The following KTN1 variants were observed in gnomAD, a reference collection of about 807,000 sequenced individuals.
The protein encoded by KTN1 is kinectin.
KTN1 carries 130 observed loss-of-function variants against 222.5 expected under a neutral mutation model. The ratio of observed to expected loss-of-function variants is 0.58; its 90% CI spans 0.51 to 0.68. KTN1 has a LOEUF of 0.68. Ranked by LOEUF, KTN1 falls within the 30% of genes least tolerant of loss-of-function variation. The probability of loss-of-function intolerance (pLI) is 0.00; values close to 1 mark genes in which losing one functional copy is unlikely to be tolerated. For synonymous variants in KTN1, 512 were observed against 496.3 expected (o/e 1.03, Z -0.42); for missense variants, 1,508 against 1,500.4 (o/e 1.01, Z -0.08).
intron 5 of KTN1, among the ~76,000 whole-genome samples, chr14:55,624,293 C>T (rs1358113941): frequency 2.0e-5 from 3 of 152,114 alleles, no homozygotes; most frequent in Non-Finnish European, 2.9e-5. Flanking sequence ...TGAATAAAGA[C>T]GACTTTAGAG....
chr14:55,639,191 G>A lies in KTN1; in HGVS notation c.1792G>A (p.Ala598Thr), dbSNP rs781690331. The change falls in exon 13 of 44, where the codon GCT (alanine) becomes ACT (threonine). Residue 598 changes from alanine to threonine, a missense_variant. By Grantham distance (58) the Ala-to-Thr change is moderately conservative. Coordinates refer to ENST00000395314, the MANE Select transcript of KTN1 (RefSeq NM_001079521.2). ...FHSQIAAQTS[A>T]SVLAEELHKV... ...CACTATTTTTCTTTCTTAGACCTCC[G>A]CTTCAGTTCTAGCAGAAGAATTACA... 101 of 1,602,772 alleles carry A rather than the reference G, an allele frequency of 6.3e-5. No homozygotes were observed. Among genetic ancestry groups the A allele is most frequent in the East Asian group, 3.4e-4 (15 of 44,716 alleles).
At chr14:55,672,554 G>A in intron 37 of KTN1, 76 bp from the exon 38 acceptor site, 2 of 857,502 alleles carry the variant, frequency 2.3e-6, no homozygotes, top group Non-Finnish European at 3.8e-6. Context: ...TCTTTTAATT[G>A]ATCAGAATTC....
chr14:55,590,563 G>C (rs542263804), intron 1 of KTN1, among the ~76,000 whole-genome samples: 37 of 152,090 alleles, frequency 2.4e-4, no homozygotes, highest in African/African-American at 8.2e-4. Context: ...AGTTTTGCCA[G>C]ATCTAGTTGT....
intron 43 of KTN1, chr14:55,681,372 C>T (rs2046352610): frequency 6.6e-6 from 1 of 152,182 alleles, no homozygotes; most frequent in African/African-American, 2.4e-5. Flanking sequence ...TGCCTTTCGA[C>T]CTAAGCGATA....
At chr14:55,613,761 G>A (rs563191630) in intron 2 of KTN1, among the ~76,000 whole-genome samples, 5 of 152,166 alleles carry the variant, frequency 3.3e-5, no homozygotes, top group East Asian at 1.9e-4. Context: ...GAGCCACCAC[G>A]CTTGACCCGG....
Position 55,603,061 on chromosome 14 carries a change from T to C in KTN1, c.-30-8958T>C, listed in dbSNP as rs565798995. 3.3e-5 allele frequency among the ~76,000 whole-genome samples: 5 copies of C among 152,300 alleles called. 1 individual carries two copies. In the South Asian group the frequency reaches 1.0e-3, roughly 32 times the overall value. On this transcript the variant is annotated intron_variant, in intron 1 of 43. Transcript: ENST00000395314. The stretch of plus-strand genomic sequence containing the variant: ...CAGATGAACTGGCTGTGCTACCATC[T>C]AAGGCCAGTCACTCTATCTACTTGT...
At chr14:55,669,535 T>C (rs2045249464) in intron 34 of KTN1, among the ~76,000 whole-genome samples, 1 of 151,936 alleles carries the variant, frequency 6.6e-6, no homozygotes, top group South Asian at 2.1e-4. Context: ...TATAAAAATA[T>C]ATAAATTTTT....
At chr14:55,617,203 A>G (rs2090512832) in intron 3 of KTN1, among the ~76,000 whole-genome samples, 1 of 152,240 alleles carries the variant, frequency 6.6e-6, no homozygotes, top group Non-Finnish European at 1.5e-5. Flanking sequence ...TGAGAGAAAT[A>G]TTACCTGAAT....
rs981469591 is a variant in KTN1, at chr14:55,609,956, G to A, written c.-30-2063G>A. Among the ~76,000 whole-genome samples the A allele has an allele frequency of 3.3e-5, 5 of 152,256 alleles. No homozygotes were observed. The South Asian group carries it at 8.3e-4, about 25-fold the overall frequency. On this transcript the variant is annotated intron_variant, in intron 1 of 43. Transcript: ENST00000395314. ...ACTTAATGGAGGCACAGTGAAATGT[G>A]TCTAATTTTAAAACCTGGATAGTTC...
rs563784343 is a variant in KTN1 at position 55,672,767 on chromosome 14, G to T, written c.3603+66G>T. On this transcript the variant is annotated intron_variant, in intron 38 of 43. Transcript: ENST00000395314. ...TTTTTAGCATTAACGGTTGTCTGAA[G>T]ATCTATAGTTTAAGATTACTTTATA... The T allele has an allele frequency of 8.3e-5, 98 of 1,178,402 alleles. 1 individual carries two copies. In the African/African-American group the frequency reaches 1.4e-3, roughly 17 times the overall value. The allele number at this position is 1,178,402 out of a possible 1,614,324, so 73.0% of individuals were successfully genotyped here.
At chr14:55,658,708 A>G in intron 30 of KTN1, 94 bp downstream of exon 30, 2 of 726,978 alleles carry the variant, frequency 2.8e-6, no homozygotes, top group African/African-American at 1.8e-5. Context: ...CTGCATTTTC[A>G]TTGAGAATGA....
At chr14:55,637,681 GAAAA>G in intron 11 of KTN1, 94 bp from the exon 12 acceptor site, 1 of 761,464 alleles carries the variant, frequency 1.3e-6, no homozygotes, top group Non-Finnish European at 2.0e-6. Context: ...AAAAAAAAAA[GAAAA>G]AGATAAACAA....
At chr14:55,668,373 C>G (rs1185702504) in intron 34 of KTN1, 2 of 151,674 alleles carry the variant, frequency 1.3e-5, no homozygotes, top group Non-Finnish European at 2.9e-5. Context: ...AAAAAAAAAA[C>G]AAAAACAAAA....
intron 5 of KTN1, among the ~76,000 whole-genome samples, chr14:55,622,514 G>T (rs2039292094): frequency 6.6e-6 from 1 of 152,010 alleles, no homozygotes; most frequent in Non-Finnish European, 1.5e-5. Context: ...AATTTTCAAG[G>T]GTTACCTATG....
intron 2 of KTN1, among the ~76,000 whole-genome samples, chr14:55,614,084 A>G (rs1163103918): frequency 1.3e-5 from 2 of 152,178 alleles, no homozygotes; most frequent in Admixed American, 6.5e-5. Flanking sequence ...GAGCCATACA[A>G]CGTGAGGTAT....
intron 18 of KTN1, among the ~76,000 whole-genome samples, chr14:55,646,035 T>G (rs2042245269): frequency 6.6e-6 from 1 of 152,142 alleles, no homozygotes; most frequent in Admixed American, 6.5e-5. Flanking sequence ...GTCAGGCTGC[T>G]TGGCTGTCTG....
intron 1 of KTN1, among the ~76,000 whole-genome samples, chr14:55,611,263 C>CTTTTTTTT (rs897315974): frequency 8.6e-6 from 1 of 116,036 alleles, no homozygotes; most frequent in African/African-American, 3.5e-5. Flanking sequence ...ATTTTCTTGT[C>CTTTTTTTT]TTTTTTTTTT....
At chr14:55,663,159 C>A in intron 32 of KTN1, 1 of 275,010 alleles carries the variant, frequency 3.6e-6, no homozygotes, top group East Asian at 8.5e-5. Flanking sequence ...CAGTGGTTGG[C>A]ATATATTAAG....
intron 1 of KTN1, among the ~76,000 whole-genome samples, chr14:55,599,152 A>G (rs1768105937): frequency 6.6e-6 from 1 of 152,138 alleles, no homozygotes; most frequent in Non-Finnish European, 1.5e-5. Flanking sequence ...CACATAATTT[A>G]TAAAATTCAA....
Sources: gnomAD v4.1 joint callset for allele counts (sites outside exome capture counted in the v4.1 genomes callset) on GRCh38, gnomAD v4.1.1 for gene constraint, MANE v1.5 for transcripts, NCBI Gene and HGNC (gene_info 2026-07-23, HGNC 2026-07-21) for gene names.